The following DGKB variants were observed in gnomAD, a reference collection of about 807,000 sequenced individuals.
The protein encoded by DGKB is 90 kDa diacylglycerol kinase.
Under a neutral mutation model 114.3 loss-of-function variants are expected in DGKB, and 67 were observed. The observed-to-expected ratio is 0.59, with a 90% CI of 0.48 to 0.72. DGKB has a LOEUF of 0.72. Among genes scored for constraint, DGKB ranks in the 30% least tolerant of loss-of-function variants. The pLI, the probability that DGKB is intolerant of heterozygous loss-of-function variation, is 0.00. For missense variants in DGKB, 907 were observed against 975.2 expected (o/e 0.93, Z 0.93); for synonymous variants, 398 against 323.1 (o/e 1.23, Z -2.49).
chr7:14,666,286 G>A (rs2128934591), intron 13 of DGKB, among the ~76,000 whole-genome samples: 1 of 151,942 alleles, frequency 6.6e-6, no homozygotes. Context: ...CCCTTTCAAT[G>A]CAGGCTGATG....
At chr7:14,793,930 G>A (rs192469766) in intron 2 of DGKB, among the ~76,000 whole-genome samples, 129 of 152,170 alleles carry the variant, frequency 8.5e-4, no homozygotes, top group African/African-American at 3.1e-3. Context: ...CAGGAAGAAA[G>A]AACTTGCTTC....
intron 23 of DGKB, among the ~76,000 whole-genome samples, chr7:14,204,445 G>T (rs1786417769): frequency 6.6e-6 from 1 of 152,094 alleles, no homozygotes; most frequent in Admixed American, 6.6e-5. Flanking sequence ...GCAAGAAAAT[G>T]ATTAGCCTGA....
At chr7:14,926,365 G>A (rs1784752940) in intron 1 of DGKB, among the ~76,000 whole-genome samples, 1 of 151,896 alleles carries the variant, frequency 6.6e-6, no homozygotes, top group Non-Finnish European at 1.5e-5. Flanking sequence ...TATATAATGA[G>A]TCATTTTTGA....
intron 23 of DGKB, among the ~76,000 whole-genome samples, chr7:14,288,290 T>G (rs75784377): frequency 7.8e-4 from 3 of 3,848 alleles, no homozygotes; most frequent in East Asian, 6.5e-3. Context: ...ACCCTGAGTT[T>G]TTTTTTTTTT....
At chr7:14,739,678 C>T (rs1309896195) in intron 4 of DGKB, among the ~76,000 whole-genome samples, 1 of 152,096 alleles carries the variant, frequency 6.6e-6, no homozygotes, top group Admixed American at 6.5e-5. Flanking sequence ...CCAAGAATCT[C>T]TTTCACTTTC....
chr7:14,579,709 G>A (rs967405004), intron 19 of DGKB, among the ~76,000 whole-genome samples: 6 of 152,002 alleles, frequency 3.9e-5, no homozygotes. Flanking sequence ...CACGTATACA[G>A]CTTAGAGCTA....
At chr7:14,395,692 A>G (rs1822106348) in intron 21 of DGKB, among the ~76,000 whole-genome samples, 1 of 151,898 alleles carries the variant, frequency 6.6e-6, no homozygotes, top group Non-Finnish European at 1.5e-5. Context: ...ATTCTGACAT[A>G]TTAAATCTGT....
intron 2 of DGKB, among the ~76,000 whole-genome samples, chr7:14,778,953 C>T (rs969875999): frequency 2.5e-4 from 38 of 152,194 alleles, no homozygotes; most frequent in African/African-American, 7.9e-4. Flanking sequence ...GTCAGGAGTT[C>T]GAGATCAACC....
chr7:14,393,427 A>T (rs190838059), intron 21 of DGKB, among the ~76,000 whole-genome samples: 89 of 152,224 alleles, frequency 5.8e-4, no homozygotes, highest in African/African-American at 2.0e-3. Flanking sequence ...CATATGATTT[A>T]AAAAAGCACT....
intron 25 of DGKB, among the ~76,000 whole-genome samples, chr7:14,162,063 C>T (rs1266069257): frequency 1.3e-5 from 2 of 152,092 alleles, no homozygotes. Context: ...TTCAACAATA[C>T]AGATTATTGC....
intron 5 of DGKB, among the ~76,000 whole-genome samples, chr7:14,725,375 A>G (rs35046572): frequency 0.42 from 63,185 of 151,822 alleles, 15,068 homozygotes; most frequent in East Asian, 0.88. Flanking sequence ...AATTATTCTC[A>G]GTAATTTGAA....
intron 23 of DGKB, among the ~76,000 whole-genome samples, chr7:14,179,162 G>A (rs1782257722): frequency 6.6e-6 from 1 of 152,090 alleles, no homozygotes; most frequent in Non-Finnish European, 1.5e-5. Context: ...GAGCTTCAAG[G>A]TTCCTTTCCA....
At chr7:14,483,658 A>G (rs1171026030) in intron 20 of DGKB, among the ~76,000 whole-genome samples, 1 of 152,156 alleles carries the variant, frequency 6.6e-6, no homozygotes, top group Non-Finnish European at 1.5e-5. Flanking sequence ...TGAAAATATG[A>G]TTAATAATTT....
At chr7:14,740,635 G>A (rs1025989361) in intron 4 of DGKB, among the ~76,000 whole-genome samples, 1 of 152,168 alleles carries the variant, frequency 6.6e-6, no homozygotes, top group Non-Finnish European at 1.5e-5. Flanking sequence ...AAACACCACA[G>A]ATGAGCATGA....
At chr7:14,593,301 A>T (rs1213864091) in intron 17 of DGKB, among the ~76,000 whole-genome samples, 1 of 152,034 alleles carries the variant, frequency 6.6e-6, no homozygotes, top group Non-Finnish European at 1.5e-5. Flanking sequence ...TTCCTGGGGA[A>T]CCTATAATGT....
In DGKB at chr7:14,356,352, C is replaced by CTTT. The variant is rs997102742; in HGVS notation, c.1836-10964_1836-10962dup. 5.7e-3 allele frequency among the ~76,000 whole-genome samples: 443 copies of CTTT among 77,218 alleles called. 71 individuals are homozygous for CTTT. Among genetic ancestry groups the CTTT allele is most frequent in the South Asian group, 0.017 (39 of 2,238 alleles). 50.7% of individuals were successfully genotyped at this position (77,218 alleles called of 152,430 possible). A position where few individuals can be genotyped will look rare whatever the true frequency, so the allele number is the denominator to read the frequency against. Reference sequence around the variant, plus strand: ...TTTGTTTGCTCTTGCTTCTCTAGTTCTTTTTTTTTTTTTTTTTTTTTTTTT... The same window carrying CTTT: ...TTTGTTTGCTCTTGCTTCTCTAGTTCTTTTTTTTTTTTTTTTTTTTTTTTTTTT... On this transcript the variant is annotated intron_variant, in intron 21 of 25. Coordinates refer to ENST00000402815, the MANE Select transcript of DGKB (RefSeq NM_001350709.2).
At chr7:14,723,937 C>A (rs1334126340) in intron 5 of DGKB, among the ~76,000 whole-genome samples, 1 of 152,060 alleles carries the variant, frequency 6.6e-6, no homozygotes. Flanking sequence ...AATTTTAATT[C>A]CAGCTTCAGG....
chr7:14,480,398 T>A (rs760317016), intron 20 of DGKB, among the ~76,000 whole-genome samples: 4 of 152,018 alleles, frequency 2.6e-5, no homozygotes. Flanking sequence ...AACTACAGGA[T>A]TGATAAGGAA....
intron 23 of DGKB, among the ~76,000 whole-genome samples, chr7:14,321,603 GA>G (rs1164711723): frequency 0.014 from 623 of 44,460 alleles, 3 homozygotes; most frequent in Middle Eastern, 0.054. Context: ...AGAGAAATAA[GA>G]AAAAAAAAAA....
Sources: gnomAD v4.1 joint callset for allele counts (sites outside exome capture counted in the v4.1 genomes callset) on GRCh38, gnomAD v4.1.1 for gene constraint, MANE v1.5 for transcripts, NCBI Gene and HGNC (gene_info 2026-07-23, HGNC 2026-07-21) for gene names.